SORCS2: variants seen among roughly 807,000 people sequenced by gnomAD.
SORCS2 encodes sortilin related VPS10 domain containing receptor 2.
A neutral mutation model predicts 141.6 loss-of-function variants in SORCS2; 100 were observed. That is an observed-to-expected ratio of 0.71 (90% CI 0.60 to 0.83). SORCS2 has a LOEUF of 0.83. Among genes scored for constraint, SORCS2 ranks in the 40% least tolerant of loss-of-function variants. The pLI is 0.00. For missense variants in SORCS2, 1,646 were observed against 1,560.2 expected (o/e 1.05, Z -0.93); for synonymous variants, 789 against 676.9 (o/e 1.17, Z -2.57).
chr4:7,697,508 C>T (rs781569498), intron 12 of SORCS2, among the ~76,000 whole-genome samples: 3 of 152,212 alleles, frequency 2.0e-5, no homozygotes, highest in Non-Finnish European at 2.9e-5. Context: ...AGCTGCTCTT[C>T]CCATGGCCAC....
At chr4:7,309,331 A>C (rs915184227) in intron 1 of SORCS2, among the ~76,000 whole-genome samples, 4 of 152,172 alleles carry the variant, frequency 2.6e-5, no homozygotes, top group African/African-American at 9.7e-5. Flanking sequence ...CGCAGGACTC[A>C]GGGACCCAGA....
intron 1 of SORCS2, among the ~76,000 whole-genome samples, chr4:7,328,593 C>G (rs535374531): frequency 9.3e-4 from 141 of 152,270 alleles, no homozygotes; most frequent in Non-Finnish European, 1.6e-3. Context: ...TTGATTCATG[C>G]GAGAAGCGTT....
intron 1 of SORCS2, among the ~76,000 whole-genome samples, chr4:7,264,027 G>A (rs1025975582): frequency 6.6e-6 from 1 of 152,180 alleles, no homozygotes; most frequent in South Asian, 2.1e-4. Context: ...CAGGCCGAGT[G>A]CCAGGTCCTG....
chr4:7,604,624 GT>G (rs1717946917), intron 3 of SORCS2, among the ~76,000 whole-genome samples: 2 of 152,218 alleles, frequency 1.3e-5, no homozygotes, highest in Admixed American at 6.5e-5. Context: ...AAAAGCGATA[GT>G]TGTTCCTATG....
chr4:7,480,977 A>T (rs73088070), intron 2 of SORCS2, among the ~76,000 whole-genome samples: 96 of 152,354 alleles, frequency 6.3e-4, no homozygotes, highest in African/African-American at 2.3e-3. Context: ...GTGAGGTGAC[A>T]GGAGAGGTGG....
intron 5 of SORCS2, among the ~76,000 whole-genome samples, chr4:7,656,862 G>T (rs1721812293): frequency 6.6e-6 from 1 of 152,218 alleles, no homozygotes; most frequent in African/African-American, 2.4e-5. Flanking sequence ...AGAACCATTT[G>T]CACTGGAGCT....
At chr4:7,468,012 C>T (rs967366930) in intron 2 of SORCS2, among the ~76,000 whole-genome samples, 9 of 152,234 alleles carry the variant, frequency 5.9e-5, no homozygotes, top group African/African-American at 1.9e-4. Flanking sequence ...CTTTCTGCCC[C>T]ATGGAGCCAC....
chr4:7,429,198 C>T (rs1726658848), intron 2 of SORCS2, among the ~76,000 whole-genome samples: 1 of 152,158 alleles, frequency 6.6e-6, no homozygotes, highest in Non-Finnish European at 1.5e-5. Flanking sequence ...GGGAAGGTGC[C>T]TGTGACATCA....
intron 4 of SORCS2, among the ~76,000 whole-genome samples, chr4:7,639,348 G>A (rs1320221722): frequency 2.0e-5 from 3 of 152,178 alleles, no homozygotes; most frequent in Non-Finnish European, 4.4e-5. Context: ...CCTGGCTGTG[G>A]CCACATCTCT....
intron 3 of SORCS2, among the ~76,000 whole-genome samples, chr4:7,579,091 G>C (rs1171069323): frequency 6.6e-6 from 1 of 152,012 alleles, no homozygotes; most frequent in African/African-American, 2.4e-5. Flanking sequence ...CCTCTCTCTA[G>C]CTACCCCCAA....
intron 2 of SORCS2, among the ~76,000 whole-genome samples, chr4:7,441,094 T>C (rs567308183): frequency 1.3e-4 from 20 of 152,160 alleles, no homozygotes; most frequent in African/African-American, 4.3e-4. Context: ...ACCCAGGGGA[T>C]AGCACCCCAA....
intron 1 of SORCS2, among the ~76,000 whole-genome samples, chr4:7,277,117 C>A (rs886417591): frequency 5.3e-5 from 6 of 113,062 alleles, no homozygotes; most frequent in Admixed American, 1.4e-4. Flanking sequence ...CTCTCCTGGG[C>A]TCCTTTGGCT....
chr4:7,516,122 T>A (rs1732965020), intron 2 of SORCS2, among the ~76,000 whole-genome samples: 1 of 152,174 alleles, frequency 6.6e-6, no homozygotes, highest in Non-Finnish European at 1.5e-5. Flanking sequence ...CGGTACTCAC[T>A]CCATGCTGGG....
intron 1 of SORCS2, among the ~76,000 whole-genome samples, chr4:7,380,959 G>C (rs968871918): frequency 6.6e-6 from 1 of 152,174 alleles, no homozygotes; most frequent in East Asian, 1.9e-4. Flanking sequence ...GCAGGTGCCT[G>C]TAGTCCCAGC....
rs1721099657 is a variant in SORCS2 at position 7,646,672 on chromosome 4, C to G, written c.814-7462C>G. Among the ~76,000 whole-genome samples, 3 of 152,140 alleles carry G rather than the reference C, an allele frequency of 2.0e-5. No homozygotes were observed. The South Asian group carries it at 6.2e-4, about 32-fold the overall frequency. On this transcript the variant is annotated intron_variant, in intron 4 of 26. Transcript: ENST00000507866. ...AAAAAAGACAGGCACAGAGGGAAGACCACATAAAGACGAGGGAGAAGGCGG... is the reference window on the plus strand; with the variant it reads ...AAAAAAGACAGGCACAGAGGGAAGAGCACATAAAGACGAGGGAGAAGGCGG...
In SORCS2 at chr4:7,658,274, A is replaced by T. The variant is rs549543363; in HGVS notation, c.888-3226A>T. Among the ~76,000 whole-genome samples the T allele has an allele frequency of 1.8e-3, 246 of 140,526 alleles. 2 individuals are homozygous for T. The highest frequency in any genetic ancestry group is 7.7e-3 in the African/African-American group (235 of 30,694). 92.2% of individuals were successfully genotyped at this position (140,526 alleles called of 152,430 possible). A position where few individuals can be genotyped will look rare whatever the true frequency, so the allele number is the denominator to read the frequency against. Reference sequence around the variant, plus strand: ...GAGTGAGTGAGTGAATGAGTCTGTGATTGAGCAAGTGAATGAGTGAGTGGG... The same window carrying T: ...GAGTGAGTGAGTGAATGAGTCTGTGTTTGAGCAAGTGAATGAGTGAGTGGG... On this transcript the variant is annotated intron_variant, in intron 5 of 26. Transcript: ENST00000507866.
chr4:7,404,801 G>A (rs1174988748), intron 2 of SORCS2, among the ~76,000 whole-genome samples: 1 of 152,092 alleles, frequency 6.6e-6, no homozygotes, highest in Non-Finnish European at 1.5e-5. Context: ...CCGTTGTGTA[G>A]GTTGTCTGTC....
chr4:7,380,910 C>A (rs531402277), intron 1 of SORCS2, among the ~76,000 whole-genome samples: 4 of 152,160 alleles, frequency 2.6e-5, no homozygotes, highest in South Asian at 2.1e-4. Context: ...GGTGAAACCC[C>A]GTCTCTACTA....
rs1373666034 is a variant in SORCS2, at chr4:7,723,808, G to A, written c.2536G>A (p.Gly846Ser). The A allele has an allele frequency of 8.1e-6, 13 of 1,613,722 alleles. No homozygotes were observed. Among genetic ancestry groups the A allele is most frequent in the Admixed American group, 3.3e-5 (2 of 60,026 alleles). The change falls in exon 19 of 27, where the codon GGC becomes AGC. Residue 846 changes from glycine to serine, a missense_variant. Transcript: ENST00000507866. ...EPIRHRYESP[G>S]IYRVSVRAEN... ...CATCCGGCACCGCTACGAGAGCCCC[G>A]GCATCTACCGCGTGTCCGTCAGGGC...
Sources: allele counts gnomAD v4.1 joint callset (sites outside exome capture counted in the v4.1 genomes callset), GRCh38; gene constraint gnomAD v4.1.1; transcripts MANE v1.5; gene names NCBI Gene and HGNC (gene_info 2026-07-23, HGNC 2026-07-21).